Variants in SGIP1 observed in about 807,000 individuals in gnomAD.
The protein encoded by SGIP1 is SH3GL interacting endocytic adaptor 1, also known as SH3-containing GRB2-like protein 3-interacting protein 1.
In SGIP1, 38 loss-of-function variants were observed where a neutral mutation model predicts 107.5. That is an observed-to-expected ratio of 0.35 (90% CI 0.27 to 0.46). The LOEUF is 0.46. Ranked by LOEUF, SGIP1 falls within the 20% of genes least tolerant of loss-of-function variation. SGIP1 has a pLI of 1.00. For synonymous variants in SGIP1, 365 were observed against 366.1 expected, an observed-to-expected ratio of 1.00 and a Z score of 0.03; for missense variants, 929 against 1,019.5, an observed-to-expected ratio of 0.91 and a Z score of 1.21.
rs1008895865 is a variant in SGIP1 at position 66,576,491 on chromosome 1, A to G, written c.10+42123A>G. ...TCATCTACAAAATAAAGATGATAGT[A>G]CTGGCTCATGGTAAGGATTTATAGA... On this transcript the variant is annotated intron_variant, in intron 1 of 24. Coordinates refer to ENST00000371037, the MANE Select transcript of SGIP1 (RefSeq NM_032291.4). 4.6e-5 allele frequency among the ~76,000 whole-genome samples: 7 copies of G among 152,332 alleles called. No individual in the cohort carries two copies. In the East Asian group the frequency reaches 1.4e-3, roughly 29 times the overall value.
At chr1:66,646,522 T>A (rs968331758) in intron 7 of SGIP1, among the ~76,000 whole-genome samples, 1 of 152,232 alleles carries the variant, frequency 6.6e-6, no homozygotes, top group Non-Finnish European at 1.5e-5. Context: ...CTTATTCTTT[T>A]CATTTATTTG....
At chr1:66,652,273 C>T (rs1328873447) in intron 7 of SGIP1, among the ~76,000 whole-genome samples, 2 of 152,168 alleles carry the variant, frequency 1.3e-5, no homozygotes, top group East Asian at 1.9e-4. Flanking sequence ...AAATATCAAT[C>T]ACCTTCTCAG....
intron 1 of SGIP1, among the ~76,000 whole-genome samples, chr1:66,568,116 T>A (rs980735215): frequency 1.3e-5 from 2 of 152,178 alleles, no homozygotes; most frequent in Non-Finnish European, 2.9e-5. Flanking sequence ...TTTCACAATA[T>A]TGATTCTTCC....
intron 22 of SGIP1, 71 bp from the exon 23 acceptor site, chr1:66,740,587 A>T: frequency 1.1e-6 from 1 of 942,736 alleles, no homozygotes. Flanking sequence ...TACTATCTGG[A>T]AAAAAAACAT....
chr1:66,725,733 G>T (rs1293571809), intron 19 of SGIP1, among the ~76,000 whole-genome samples: 1 of 152,256 alleles, frequency 6.6e-6, no homozygotes, highest in African/African-American at 2.4e-5. Flanking sequence ...TGTGCCCTAT[G>T]ATTGCTCCAG....
intron 5 of SGIP1, 124 bp downstream of exon 5, chr1:66,639,957 C>A: frequency 1.4e-6 from 1 of 727,232 alleles, no homozygotes; most frequent in Non-Finnish European, 2.3e-6. Context: ...AAGTGTCTGG[C>A]ATATTTAGGA....
At chr1:66,679,560 C>G in intron 13 of SGIP1, 118 bp from the exon 14 acceptor site, 2 of 1,038,460 alleles carry the variant, frequency 1.9e-6, no homozygotes, top group Non-Finnish European at 2.9e-6. Flanking sequence ...CCATTAATTG[C>G]TATTCCATTT....
chr1:66,649,401 A>G (rs1925341), intron 7 of SGIP1, among the ~76,000 whole-genome samples: 56,280 of 152,040 alleles, frequency 0.37, 11,457 homozygotes, highest in African/African-American at 0.54. Flanking sequence ...TAAGGTACTT[A>G]AACCTCAGTG....
At chr1:66,603,614 G>C (rs1270803000) in intron 1 of SGIP1, among the ~76,000 whole-genome samples, 4 of 152,120 alleles carry the variant, frequency 2.6e-5, no homozygotes, top group Non-Finnish European at 2.9e-5. Flanking sequence ...GAAACACATT[G>C]AGAGATGCTT....
chr1:66,536,025 G>A (rs576601436), intron 1 of SGIP1, among the ~76,000 whole-genome samples: 2 of 152,322 alleles, frequency 1.3e-5, no homozygotes, highest in East Asian at 3.9e-4. Context: ...CTTCTTTGAA[G>A]GTTGTAACGT....
At chr1:66,719,936 A>G (rs533098219) in intron 19 of SGIP1, among the ~76,000 whole-genome samples, 1 of 152,284 alleles carries the variant, frequency 6.6e-6, no homozygotes, top group Admixed American at 6.5e-5. Context: ...CTGGCCAAAA[A>G]TGAAAGAGAA....
At chr1:66,647,438 A>G (rs542920312) in intron 7 of SGIP1, among the ~76,000 whole-genome samples, 2 of 152,348 alleles carry the variant, frequency 1.3e-5, no homozygotes, top group African/African-American at 4.8e-5. Flanking sequence ...CTAGATAAAC[A>G]TGTAGTAGCC....
intron 18 of SGIP1, among the ~76,000 whole-genome samples, chr1:66,703,440 T>G (rs930983523): frequency 6.6e-6 from 1 of 152,026 alleles, no homozygotes; most frequent in Non-Finnish European, 1.5e-5. Flanking sequence ...TAACCTAAGG[T>G]ATGCTTGGTA....
chr1:66,547,373 G>T (rs895419805), intron 1 of SGIP1, among the ~76,000 whole-genome samples: 2 of 152,170 alleles, frequency 1.3e-5, no homozygotes, highest in African/African-American at 4.8e-5. Context: ...GCAGTTTAAA[G>T]TGTGTTCAAC....
intron 4 of SGIP1, 87 bp downstream of exon 4, chr1:66,636,102 T>A: frequency 2.4e-6 from 3 of 1,258,570 alleles, no homozygotes; most frequent in Non-Finnish European, 3.4e-6. Flanking sequence ...GAAAACACAG[T>A]AGTTTTCATT....
Position 66,733,770 on chromosome 1 carries a change from A to G in SGIP1, c.1921A>G (p.Asn641Asp), listed in dbSNP as rs2094119778. Residue 641 changes from asparagine (N) to aspartate (D), a missense_variant, in exon 21 of 25, where the codon AAT (asparagine) becomes GAT (aspartate). Coordinates refer to ENST00000371037, the MANE Select transcript of SGIP1 (RefSeq NM_032291.4). The part of the protein sequence containing the change: ...LCCDNTQNDA[N>D]TKEFWVNMPN... ...CAGTGATAATACACAAAATGATGCC[A>G]ATACCAAGGAATTCTGGGTAAACAT... is the stretch of plus-strand genomic sequence containing the variant. 2 of 1,613,226 alleles carry G rather than the reference A, an allele frequency of 1.2e-6. No homozygotes were observed. The highest frequency in any genetic ancestry group is 1.3e-5 in the African/African-American group (1 of 74,884).
rs902365037 is a variant in SGIP1, at chr1:66,745,169, T to G, written c.*2074T>G. The stretch of plus-strand genomic sequence containing the variant: ...ATGAATTAGTAATTAAACACAAGGG[T>G]TTTTTTCCCAAAAAATAATTTTACT... On this transcript the variant is annotated 3_prime_UTR_variant, in exon 25 of 25. Transcript: ENST00000371037. 3 of 151,778 alleles carry G rather than the reference T, an allele frequency of 2.0e-5. No individual in the cohort carries two copies. Among genetic ancestry groups the G allele is most frequent in the African/African-American group, 7.2e-5 (3 of 41,386 alleles). 9.4% of individuals were successfully genotyped at this position (151,778 alleles called of 1,614,324 possible).
intron 1 of SGIP1, among the ~76,000 whole-genome samples, chr1:66,622,280 C>T (rs2071343073): frequency 6.6e-6 from 1 of 152,146 alleles, no homozygotes; most frequent in Non-Finnish European, 1.5e-5. Flanking sequence ...GGGAAAAATA[C>T]CACCTACTTT....
In SGIP1 at chr1:66,733,736, C is replaced by A; in HGVS notation, c.1899-12C>A. ...AGATGCTACTCAATCATTTTTCTTC[C>A]CAAATGAACAGTGATAATACACAAA... On this transcript the variant is annotated splice_polypyrimidine_tract_variant and intron_variant, in intron 20 of 24. Coordinates refer to ENST00000371037, the MANE Select transcript of SGIP1 (RefSeq NM_032291.4). 1.9e-6 allele frequency: 3 copies of A among 1,598,734 alleles called. No homozygotes were observed. The highest frequency in any genetic ancestry group is 2.6e-6 in the Non-Finnish European group (3 of 1,172,532).
Sources: allele counts gnomAD v4.1 joint callset (sites outside exome capture counted in the v4.1 genomes callset), GRCh38; gene constraint gnomAD v4.1.1; transcripts MANE v1.5; gene names NCBI Gene and HGNC (gene_info 2026-07-23, HGNC 2026-07-21).